The following PROZ variants were observed in gnomAD, a reference collection of about 807,000 sequenced individuals.
PROZ encodes the protein protein Z, vitamin K dependent plasma glycoprotein, also known as vitamin K-dependent protein Z.
PROZ carries 46 observed loss-of-function variants against 34.9 expected under a neutral mutation model. That is an observed-to-expected ratio of 1.32 (90% CI 1.04 to 1.69). PROZ has a LOEUF of 1.69. Among genes scored for constraint, PROZ ranks in the 40% most tolerant of loss-of-function variants. The probability of loss-of-function intolerance (pLI) is 0.00; values close to 1 mark genes in which losing one functional copy is unlikely to be tolerated. For synonymous variants in PROZ, 195 were observed against 208.5 expected (o/e 0.94, Z 0.56); for missense variants, 530 against 520.4 (o/e 1.02, Z -0.18).
In PROZ at chr13:113,171,534, G is replaced by T; in HGVS notation, c.692-60G>T. On this transcript the variant is annotated intron_variant, in intron 7 of 7. Coordinates refer to ENST00000375547, the MANE Select transcript of PROZ (RefSeq NM_003891.3). The surrounding 1 kb of genome is among the most constrained non-coding windows in gnomAD (Gnocchi z 5.1). ...ACGTGGCTCCCTGAGAAGCTCGTTT[G>T]AGCATTATGTCCCCTTGAAAATCAG... 1 of 1,609,492 alleles carries T rather than the reference G, an allele frequency of 6.2e-7. No individual in the cohort carries two copies. The highest frequency in any genetic ancestry group is 1.1e-5 in the South Asian group (1 of 90,508).
intron 3 of PROZ, among the ~76,000 whole-genome samples, chr13:113,161,651 C>T (rs2036761967): frequency 6.6e-6 from 1 of 152,102 alleles, no homozygotes; most frequent in South Asian, 2.1e-4. Flanking sequence ...GAGTGGGAGG[C>T]ACTGGCAGCC....
At chr13:113,170,577 C>A in intron 7 of PROZ, 47 bp downstream of exon 7, 1 of 1,104,710 alleles carries the variant, frequency 9.1e-7, no homozygotes, top group Non-Finnish European at 1.4e-6. Context: ...TGGAAATACA[C>A]TATCCTATGT....
At chr13:113,164,070 C>T (rs1297983762) in intron 4 of PROZ, among the ~76,000 whole-genome samples, 1 of 151,740 alleles carries the variant, frequency 6.6e-6, no homozygotes, top group Non-Finnish European at 1.5e-5. Context: ...CCTTTTGCCT[C>T]CTGGGTTCAA....
chr13:113,172,072 G>A lies in PROZ; in HGVS notation c.1170G>A (p.Arg390=). ...TGGTCCTTGTCACCAAGGTCTCCAG[G>A]TACTCACTCTGGTTTAAACAGATCA... ...AHMVLVTKVS[R]YSLWFKQIMN The change falls in exon 8 of 8, where the codon AGG becomes AGA. Residue 390 remains arginine (R), a synonymous_variant. Coordinates refer to ENST00000375547, the MANE Select transcript of PROZ (RefSeq NM_003891.3). 6.2e-7 allele frequency: 1 copy of A among 1,612,994 alleles called. No individual in the cohort carries two copies. The highest frequency in any genetic ancestry group is 8.5e-7 in the Non-Finnish European group (1 of 1,180,016).
At chr13:113,170,855 C>T (rs775150114) in intron 7 of PROZ, among the ~76,000 whole-genome samples, 2 of 151,698 alleles carry the variant, frequency 1.3e-5, no homozygotes, top group Non-Finnish European at 2.9e-5. Flanking sequence ...GAATGGGGCT[C>T]GAATCCCCCA....
rs780279235 is a variant in PROZ at position 113,160,139 on chromosome 13, G to T, written c.196G>T (p.Glu66Ter). Residue 66 changes from glutamate to a stop codon, truncating the protein, a stop_gained, in exon 2 of 8, where the codon GAA (glutamate) becomes TAA (stop). Transcript: ENST00000375547. LOFTEE classifies it high-confidence loss of function. ...KECYEEICVYEEAREVFENEV... is the reference protein window; with the variant it reads ...KECYEEICVY ...ATGTTATGAAGAAATCTGTGTCTATGAAGAAGCAAGAGAAGTGTTTGAAAA... is the reference window on the plus strand; with the variant it reads ...ATGTTATGAAGAAATCTGTGTCTATTAAGAAGCAAGAGAAGTGTTTGAAAA... 1 of 1,614,172 alleles carries T rather than the reference G, an allele frequency of 6.2e-7. No individual in the cohort carries two copies. Among genetic ancestry groups the T allele is most frequent in the Non-Finnish European group, 8.5e-7 (1 of 1,180,036 alleles).
At chr13:113,163,966 C>CCTT (rs1555397637) in intron 4 of PROZ, among the ~76,000 whole-genome samples, 13 of 145,560 alleles carry the variant, frequency 8.9e-5, no homozygotes, top group Admixed American at 2.0e-4. Flanking sequence ...CTCATGGAGT[C>CCTT]TTTTTTTTTT....
rs562357483 is a variant in PROZ at position 113,158,772 on chromosome 13, C to G, written c.70+42C>G. ...CCTGTCTGTTGTGCCTGTGCTGTGTCTTTCTTGACTCGGTCCATGGTGGAT... is the reference window on the plus strand; with the variant it reads ...CCTGTCTGTTGTGCCTGTGCTGTGTGTTTCTTGACTCGGTCCATGGTGGAT... On this transcript the variant is annotated intron_variant, in intron 1 of 7. Coordinates refer to ENST00000375547, the MANE Select transcript of PROZ (RefSeq NM_003891.3). The surrounding 1 kb of genome is among the most constrained non-coding windows in gnomAD (Gnocchi z 4.3). 1.3e-6 allele frequency: 2 copies of G among 1,543,854 alleles called. No individual in the cohort carries two copies. The highest frequency in any genetic ancestry group is 1.8e-6 in the Non-Finnish European group (2 of 1,136,260).
intron 3 of PROZ, among the ~76,000 whole-genome samples, chr13:113,161,757 C>G (rs1234164302): frequency 6.9e-6 from 1 of 143,922 alleles, no homozygotes; most frequent in East Asian, 2.1e-4. Context: ...CCACCCCCTG[C>G]CCCCCCGTCC....
Position 113,159,681 on chromosome 13 carries a change from AC to A in PROZ, c.71-331del, listed in dbSNP as rs1273328829. Among the ~76,000 whole-genome samples the A allele has an allele frequency of 6.6e-6, 1 of 152,032 alleles. No individual in the cohort carries two copies. The highest frequency in any genetic ancestry group is 2.4e-5 in the African/African-American group (1 of 41,374). ...TTGGTCCCCAGTTCTCAGTACGGGG[AC>A]CTTTGACCCCAGCTCAGCCTTCCTT... On this transcript the variant is annotated intron_variant, in intron 1 of 7. Transcript: ENST00000375547. This position sits in a 1 kb window ranked among gnomAD's most constrained non-coding sequence, Gnocchi z 4.6.
chr13:113,164,456 C>A, intron 4 of PROZ, 57 bp from the exon 5 acceptor site: 1 of 1,585,270 alleles, frequency 6.3e-7, no homozygotes, highest in Non-Finnish European at 8.6e-7. Flanking sequence ...GTGTGCAAGG[C>A]TGTGATAAAA....
At chr13:113,167,011 T>A (rs2036956707) in intron 6 of PROZ, among the ~76,000 whole-genome samples, 2 of 152,196 alleles carry the variant, frequency 1.3e-5, no homozygotes, top group Admixed American at 1.3e-4. Context: ...ACTATTAGAT[T>A]TTTTACTTCA....
chr13:113,171,659 T>A lies in PROZ; in HGVS notation c.757T>A (p.Tyr253Asn). The part of the protein sequence containing the change: ...KITHVHVHMR[Y>N]DADAGENDLS... ...AACGCACGTCCATGTGCACATGCGG[T>A]ATGACGCGGACGCGGGGGAGAATGA... Residue 253 changes from tyrosine (Y) to asparagine (N), a missense_variant, in exon 8 of 8, where the codon TAT becomes AAT. Transcript: ENST00000375547. The surrounding 1 kb of genome is among the most constrained non-coding windows in gnomAD (Gnocchi z 5.1). 3 of 1,614,060 alleles carry A rather than the reference T, an allele frequency of 1.9e-6. No homozygotes were observed. The East Asian group carries it at 6.7e-5, about 36-fold the overall frequency.
In PROZ at chr13:113,164,630, A is replaced by T. The variant is rs760094885; in HGVS notation, c.491A>T (p.Gln164Leu). The change falls in exon 5 of 8, where the codon CAG (glutamine) becomes CTG (leucine). Residue 164 changes from glutamine (Q) to leucine (L), a missense_variant. Physicochemically the swap from Gln to Leu is moderately radical, Grantham distance 113. Transcript: ENST00000375547. ...QGYRLGEDHK[Q>L]CVPHDQCACG... ...TACAGGCTTGGTGAGGACCACAAAC[A>T]GTGTGTGCCCCACGGTGAGTGCTCA... The T allele has an allele frequency of 2.2e-5, 36 of 1,613,678 alleles. No individual in the cohort carries two copies. The South Asian group carries it at 3.8e-4, about 17-fold the overall frequency.
In PROZ at chr13:113,163,108, G is replaced by T. The variant is rs1427057616; in HGVS notation, c.359G>T (p.Ser120Ile). The stretch of plus-strand genomic sequence containing the variant: ...ACCTGCTCCCCCGGCTATGAGGGCA[G>T]CAACTGCGAGCTGGGTGAGGCCCCG... ...TCTCSPGYEG[S>I]NCELAKNECH... The change falls in exon 4 of 8, where the codon AGC (serine) becomes ATC (isoleucine). Residue 120 changes from serine (S) to isoleucine (I), a missense_variant. By Grantham distance (142) the Ser-to-Ile change is moderately radical. Transcript: ENST00000375547. 10 of 1,553,196 alleles carry T rather than the reference G, an allele frequency of 6.4e-6. No individual in the cohort carries two copies. The highest frequency in any genetic ancestry group is 8.7e-6 in the Non-Finnish European group (10 of 1,147,698).
In PROZ at chr13:113,171,962, G is replaced by C; in HGVS notation, c.1060G>C (p.Gly354Arg). Residue 354 changes from glycine to arginine, a missense_variant, in exon 8 of 8, where the codon GGA becomes CGA. Physicochemically the swap from Gly to Arg is moderately radical, Grantham distance 125. Coordinates refer to ENST00000375547, the MANE Select transcript of PROZ (RefSeq NM_003891.3). The surrounding 1 kb of genome is among the most constrained non-coding windows in gnomAD (Gnocchi z 5.1). Reference protein sequence around the residue: ...SSVAAMHWMDGSVVTREHRGS... With the variant: ...SSVAAMHWMDRSVVTREHRGS... ...CGTGGCGGCCATGCACTGGATGGAT[G>C]GAAGTGTGGTCACCAGAGAACACAG... The C allele has an allele frequency of 6.2e-7, 1 of 1,613,584 alleles. No individual in the cohort carries two copies. The highest frequency in any genetic ancestry group is 8.5e-7 in the Non-Finnish European group (1 of 1,180,052).
In PROZ at chr13:113,159,091, G is replaced by A; in HGVS notation, c.70+361G>A. On this transcript the variant is annotated intron_variant, in intron 1 of 7. Coordinates refer to ENST00000375547, the MANE Select transcript of PROZ (RefSeq NM_003891.3). This position sits in a 1 kb window ranked among gnomAD's most constrained non-coding sequence, Gnocchi z 4.6. The stretch of plus-strand genomic sequence containing the variant: ...GGGCAGGCTGAGCCCAGACTGCAAT[G>A]TGGGCAGAGAGAGCCTTGGCCAGGC... The A allele has an allele frequency of 1.1e-6, 1 of 900,810 alleles. No homozygotes were observed. Among genetic ancestry groups the A allele is most frequent in the Non-Finnish European group, 1.8e-6 (1 of 566,986 alleles). 55.8% of individuals were successfully genotyped at this position (900,810 alleles called of 1,614,324 possible). A position where few individuals can be genotyped will look rare whatever the true frequency, so the allele number is the denominator to read the frequency against.
intron 6 of PROZ, among the ~76,000 whole-genome samples, chr13:113,167,276 G>C (rs2036966474): frequency 6.6e-6 from 1 of 152,208 alleles, no homozygotes; most frequent in African/African-American, 2.4e-5. Context: ...GTGCAGTGAG[G>C]ATTACAGATA....
chr13:113,164,733 C>T lies in PROZ; in HGVS notation c.505+89C>T, dbSNP rs931947806. On this transcript the variant is annotated intron_variant, in intron 5 of 7. Transcript: ENST00000375547. ...TCCTTCTGTAGTACTGGGTGAAGCCCGCGGATTTGTGATAAGCAGTTGCCA... is the reference window on the plus strand; with the variant it reads ...TCCTTCTGTAGTACTGGGTGAAGCCTGCGGATTTGTGATAAGCAGTTGCCA... 5.7e-6 allele frequency: 9 copies of T among 1,566,134 alleles called. No homozygotes were observed. The African/African-American group carries it at 6.8e-5, about 12-fold the overall frequency.
Sources: allele counts gnomAD v4.1 joint callset (sites outside exome capture counted in the v4.1 genomes callset), GRCh38; gene constraint gnomAD v4.1.1; non-coding constraint Gnocchi (gnomAD v3.1); transcripts MANE v1.5; gene names NCBI Gene and HGNC (gene_info 2026-07-23, HGNC 2026-07-21).